The following RAB3C variants were observed in gnomAD, a reference collection of about 807,000 sequenced individuals.
RAB3C encodes the protein ras-related protein Rab-3C.
Under a neutral mutation model 26.4 loss-of-function variants are expected in RAB3C, and 17 were observed. That is an observed-to-expected ratio of 0.64 (90% CI 0.44 to 0.97). RAB3C has a LOEUF of 0.97. Among genes scored for constraint, RAB3C ranks in the 50% least tolerant of loss-of-function variants. The pLI is 0.00. For missense variants in RAB3C, 242 were observed against 281.9 expected (o/e 0.86, Z 1.01); for synonymous variants, 91 against 95.9 (o/e 0.95, Z 0.30).
chr5:58,814,441 G>A (rs886205866), intron 3 of RAB3C, among the ~76,000 whole-genome samples: 4 of 152,198 alleles, frequency 2.6e-5, no homozygotes, highest in Admixed American at 6.5e-5. Flanking sequence ...GTGAGGGCAA[G>A]TAAGTACTGG....
At chr5:58,703,602 T>A (rs1216126531) in intron 2 of RAB3C, among the ~76,000 whole-genome samples, 1 of 152,144 alleles carries the variant, frequency 6.6e-6, no homozygotes, top group South Asian at 2.1e-4. Context: ...TTGGAGAAAT[T>A]GTTTTACTTT....
intron 3 of RAB3C, among the ~76,000 whole-genome samples, chr5:58,818,300 T>C (rs1349340605): frequency 6.6e-6 from 1 of 152,232 alleles, no homozygotes; most frequent in East Asian, 1.9e-4. Context: ...ACTTAAATTA[T>C]TTTATTCTGT....
rs115740060 is a variant in RAB3C, at chr5:58,708,761, A to G, written c.253-17241A>G. 2.6e-3 allele frequency among the ~76,000 whole-genome samples: 400 copies of G among 152,334 alleles called. 1 individual carries two copies. The highest frequency in any genetic ancestry group is 8.9e-3 in the African/African-American group (368 of 41,574). On this transcript the variant is annotated intron_variant, in intron 2 of 4. Transcript: ENST00000282878. ...TTGTCAGTGAAATTTAAATGTGGGA[A>G]AAATGCTTTTATGGACTGCCAGATT...
intron 2 of RAB3C, among the ~76,000 whole-genome samples, chr5:58,656,489 C>T (rs1197023333): frequency 6.6e-6 from 1 of 151,996 alleles, no homozygotes; most frequent in Non-Finnish European, 1.5e-5. Flanking sequence ...AAAATGTGTA[C>T]ATTTGTATCT....
At chr5:58,641,102 A>G (rs757768141) in intron 2 of RAB3C, among the ~76,000 whole-genome samples, 36 of 152,136 alleles carry the variant, frequency 2.4e-4, no homozygotes, top group Non-Finnish European at 4.3e-4. Flanking sequence ...ACTTCATATA[A>G]TAAGATCTGG....
chr5:58,701,353 A>G (rs1748839136), intron 2 of RAB3C, among the ~76,000 whole-genome samples: 1 of 152,032 alleles, frequency 6.6e-6, no homozygotes, highest in Admixed American at 6.6e-5. Flanking sequence ...GGTGTTATCA[A>G]TTTTACCTTT....
intron 2 of RAB3C, among the ~76,000 whole-genome samples, chr5:58,645,206 G>C (rs1445965265): frequency 6.6e-6 from 1 of 152,168 alleles, no homozygotes; most frequent in African/African-American, 2.4e-5. Context: ...CCTCTGTAAG[G>C]TTTATTAGGC....
intron 2 of RAB3C, among the ~76,000 whole-genome samples, chr5:58,657,303 T>A (rs1397181570): frequency 6.6e-6 from 1 of 151,922 alleles, no homozygotes; most frequent in Non-Finnish European, 1.5e-5. Flanking sequence ...ACTGCTCAGG[T>A]GATGGGTGCA....
intron 3 of RAB3C, among the ~76,000 whole-genome samples, chr5:58,765,814 TC>T (rs1741888883): frequency 6.6e-6 from 1 of 152,154 alleles, no homozygotes; most frequent in Non-Finnish European, 1.5e-5. Context: ...CAAATTATAA[TC>T]CCCAGAGTTA....
chr5:58,830,365 A>T (rs1743586190), intron 4 of RAB3C, among the ~76,000 whole-genome samples: 1 of 152,176 alleles, frequency 6.6e-6, no homozygotes, highest in Admixed American at 6.5e-5. Context: ...AGGCAGATCT[A>T]CCATGGCTAA....
At chr5:58,594,630 G>A (rs1345222735) in intron 1 of RAB3C, among the ~76,000 whole-genome samples, 1 of 151,996 alleles carries the variant, frequency 6.6e-6, no homozygotes, top group African/African-American at 2.4e-5. Flanking sequence ...TAAGTGCATG[G>A]ACAACAAGGT....
chr5:58,595,089 T>C (rs1746218935), intron 1 of RAB3C, among the ~76,000 whole-genome samples: 1 of 152,138 alleles, frequency 6.6e-6, no homozygotes, highest in African/African-American at 2.4e-5. Flanking sequence ...CCCGATTGTG[T>C]TTATTTTTAA....
chr5:58,643,378 G>A (rs1248379397), intron 2 of RAB3C, among the ~76,000 whole-genome samples: 6 of 152,042 alleles, frequency 3.9e-5, no homozygotes, highest in East Asian at 1.9e-4. Context: ...TCAGTTGGCC[G>A]GCTTATTTTT....
At chr5:58,734,778 T>A (rs1160614999) in intron 3 of RAB3C, among the ~76,000 whole-genome samples, 1 of 152,206 alleles carries the variant, frequency 6.6e-6, no homozygotes, top group East Asian at 1.9e-4. Context: ...AAAAATACTG[T>A]TATATCTTGG....
At chr5:58,728,172 G>T (rs293005) in intron 3 of RAB3C, among the ~76,000 whole-genome samples, 1 of 151,704 alleles carries the variant, frequency 6.6e-6, no homozygotes, top group Non-Finnish European at 1.5e-5. Context: ...GATTTATTAG[G>T]GTTTTTTAAT....
At chr5:58,839,238 C>T (rs966939289) in intron 4 of RAB3C, among the ~76,000 whole-genome samples, 4 of 151,648 alleles carry the variant, frequency 2.6e-5, no homozygotes, top group African/African-American at 9.7e-5. Flanking sequence ...GGAATTACTC[C>T]TGTCATTTTA....
chr5:58,813,586 TTATATTTATATATATATATATA>T (rs1469697348), intron 3 of RAB3C, among the ~76,000 whole-genome samples: 1 of 41,334 alleles, frequency 2.4e-5, no homozygotes, highest in Admixed American at 3.4e-4. Context: ...TAATTTATAT[TTATATTTATATATATATATATA>T]TATATATATA....
At chr5:58,623,002 G>GT (rs1746968082) in intron 2 of RAB3C, among the ~76,000 whole-genome samples, 1 of 152,188 alleles carries the variant, frequency 6.6e-6, no homozygotes, top group Non-Finnish European at 1.5e-5. Context: ...TAATTACTCA[G>GT]TATCTTTCAG....
rs145794003 is a variant in RAB3C, at chr5:58,624,529, G to A, written c.252+6659G>A. ...CTTTCTTATGAATAAGTGACAGAAA[G>A]CAGGTGACCATACAAACACATTGCT... On this transcript the variant is annotated intron_variant, in intron 2 of 4. Transcript: ENST00000282878. Among the ~76,000 whole-genome samples the A allele has an allele frequency of 1.6e-3, 239 of 152,290 alleles. 2 individuals carry two copies. Among genetic ancestry groups the A allele is most frequent in the African/African-American group, 5.3e-3 (222 of 41,566 alleles).
Sources: allele counts gnomAD v4.1 joint callset (sites outside exome capture counted in the v4.1 genomes callset), GRCh38; gene constraint gnomAD v4.1.1; transcripts MANE v1.5; gene names NCBI Gene and HGNC (gene_info 2026-07-23, HGNC 2026-07-21).